Variants in CACNA2D3 observed in about 807,000 individuals in gnomAD.
CACNA2D3 encodes the protein voltage-dependent calcium channel subunit alpha-2/delta-3.
CACNA2D3 carries 60 observed loss-of-function variants against 160.6 expected under a neutral mutation model. The ratio of observed to expected loss-of-function variants is 0.37; its 90% CI spans 0.30 to 0.46. The LOEUF (loss-of-function observed/expected upper bound fraction) is 0.46. CACNA2D3 is among the 20% of genes least tolerant of loss of function. The probability of loss-of-function intolerance (pLI) is 1.00; values close to 1 mark genes in which losing one functional copy is unlikely to be tolerated. For synonymous variants in CACNA2D3, 558 were observed against 492.9 expected (o/e 1.13, Z -1.75); for missense variants, 1,205 against 1,365.0 (o/e 0.88, Z 1.85).
At position 54,708,146 on chromosome 3, in the gene CACNA2D3, G is replaced by A. The variant is rs540108189; in HGVS notation, c.1168-44453G>A. On this transcript the variant is annotated intron_variant, in intron 11 of 37. Coordinates refer to ENST00000474759, the MANE Select transcript of CACNA2D3 (RefSeq NM_018398.3). Reference sequence around the variant, plus strand: ...TCAGGGGCCTTATATTCCTGGCCTCGAGTCGATCAAAGAACATATAAAACC... The same window carrying A: ...TCAGGGGCCTTATATTCCTGGCCTCAAGTCGATCAAAGAACATATAAAACC... Among the ~76,000 whole-genome samples, 13 of 152,272 alleles carry A rather than the reference G, an allele frequency of 8.5e-5. No individual in the cohort carries two copies. In the South Asian group the frequency reaches 1.0e-3, roughly 12 times the overall value.
chr3:54,534,851 A>G (rs1701862763), intron 5 of CACNA2D3, among the ~76,000 whole-genome samples: 3 of 152,028 alleles, frequency 2.0e-5, no homozygotes, highest in South Asian at 2.1e-4. Flanking sequence ...TGCTTGAGCT[A>G]GGGAGGTTGA....
intron 2 of CACNA2D3, among the ~76,000 whole-genome samples, chr3:54,151,056 T>A (rs1048425790): frequency 1.3e-5 from 2 of 151,166 alleles, no homozygotes; most frequent in African/African-American, 4.9e-5. Flanking sequence ...AATGGATGGA[T>A]GTGTGGGTGG....
intron 27 of CACNA2D3, among the ~76,000 whole-genome samples, chr3:54,955,971 A>G (rs1575405361): frequency 6.6e-6 from 1 of 152,312 alleles, no homozygotes; most frequent in East Asian, 1.9e-4. Context: ...GCTGACTCCC[A>G]CATATTCTAA....
chr3:55,038,688 A>G (rs1703886519), intron 35 of CACNA2D3, among the ~76,000 whole-genome samples: 1 of 151,910 alleles, frequency 6.6e-6, no homozygotes, highest in East Asian at 1.9e-4. Context: ...GGAATTCACC[A>G]AACACTTATC....
chr3:54,822,878 G>A (rs777629344), intron 14 of CACNA2D3, among the ~76,000 whole-genome samples: 4 of 140,180 alleles, frequency 2.9e-5, no homozygotes, highest in Non-Finnish European at 6.1e-5. Context: ...ATTTGAGACA[G>A]AGATTAGCTC....
intron 35 of CACNA2D3, among the ~76,000 whole-genome samples, chr3:55,049,364 A>T (rs1351409059): frequency 7.2e-6 from 1 of 139,594 alleles, no homozygotes; most frequent in Non-Finnish European, 1.5e-5. Context: ...TTATGTACCC[A>T]GTAGTCATTC....
intron 2 of CACNA2D3, among the ~76,000 whole-genome samples, chr3:54,225,481 A>G (rs981488266): frequency 7.9e-5 from 12 of 152,214 alleles, no homozygotes; most frequent in African/African-American, 1.2e-4. Context: ...GCAGTTTCCT[A>G]TATGTTTCCC....
intron 13 of CACNA2D3, among the ~76,000 whole-genome samples, chr3:54,777,674 C>G (rs984488432): frequency 2.6e-5 from 4 of 152,148 alleles, no homozygotes; most frequent in African/African-American, 9.7e-5. Flanking sequence ...GGCTGGAGTA[C>G]TCATCCTATA....
At chr3:55,016,096 A>G (rs182524108) in intron 34 of CACNA2D3, among the ~76,000 whole-genome samples, 29 of 152,338 alleles carry the variant, frequency 1.9e-4, no homozygotes, top group African/African-American at 5.5e-4. Flanking sequence ...TGTTCCCTCC[A>G]ATGAGCTAGC....
intron 27 of CACNA2D3, chr3:54,927,986 A>C (rs56327704): frequency 0.45 from 636,763 of 1,408,104 alleles, 151,910 homozygotes; most frequent in East Asian, 0.76. Context: ...CACGAAGGGC[A>C]TGGCAGACTC....
chr3:54,344,203 T>A (rs1383023587), intron 3 of CACNA2D3, among the ~76,000 whole-genome samples: 1 of 152,134 alleles, frequency 6.6e-6, no homozygotes, highest in Non-Finnish European at 1.5e-5. Flanking sequence ...CTCTCTCACC[T>A]CTCCCGTAGG....
At chr3:54,307,819 G>C (rs1183326499) in intron 2 of CACNA2D3, among the ~76,000 whole-genome samples, 3 of 152,186 alleles carry the variant, frequency 2.0e-5, no homozygotes, top group Non-Finnish European at 4.4e-5. Flanking sequence ...GAATTTAAAA[G>C]ACTTTAGTTA....
intron 35 of CACNA2D3, among the ~76,000 whole-genome samples, chr3:55,034,119 T>A (rs1027703735): frequency 6.6e-6 from 1 of 151,472 alleles, no homozygotes; most frequent in African/African-American, 2.4e-5. Flanking sequence ...TTTTGATAGA[T>A]CCTTGGGGAA....
chr3:54,763,582 C>A (rs545482799), intron 12 of CACNA2D3, among the ~76,000 whole-genome samples: 1 of 148,320 alleles, frequency 6.7e-6, no homozygotes, highest in African/African-American at 2.5e-5. Context: ...GTCATTTGTA[C>A]CAGGGAATAA....
intron 5 of CACNA2D3, among the ~76,000 whole-genome samples, chr3:54,522,466 G>A (rs1272943121): frequency 6.6e-6 from 1 of 152,108 alleles, no homozygotes; most frequent in African/African-American, 2.4e-5. Flanking sequence ...TATGTAATTT[G>A]TGAATAGAGA....
intron 3 of CACNA2D3, among the ~76,000 whole-genome samples, chr3:54,322,394 G>C (rs1221360745): frequency 6.6e-6 from 1 of 152,228 alleles, no homozygotes; most frequent in African/African-American, 2.4e-5. Flanking sequence ...GAGTTCAGAT[G>C]CACCAGCCCC....
chr3:54,197,738 G>A (rs573128761), intron 2 of CACNA2D3, among the ~76,000 whole-genome samples: 2 of 152,298 alleles, frequency 1.3e-5, no homozygotes, highest in South Asian at 4.1e-4. Context: ...GGGAGCTGCT[G>A]TCTTGTGAGC....
intron 17 of CACNA2D3, among the ~76,000 whole-genome samples, chr3:54,860,658 G>A (rs1259211514): frequency 6.6e-6 from 1 of 152,194 alleles, no homozygotes. Context: ...TCACCTTGCT[G>A]TCATCCCCTT....
chr3:54,885,185 T>C, intron 21 of CACNA2D3, 96 bp from the exon 22 acceptor site: 1 of 1,321,862 alleles, frequency 7.6e-7, no homozygotes, highest in Admixed American at 1.7e-5. Flanking sequence ...TGTCTACCCT[T>C]AACCCACCCC....
Sources: allele counts gnomAD v4.1 joint callset (sites outside exome capture counted in the v4.1 genomes callset), GRCh38; gene constraint gnomAD v4.1.1; transcripts MANE v1.5; gene names NCBI Gene and HGNC (gene_info 2026-07-23, HGNC 2026-07-21).